HIBCH: variants seen among roughly 807,000 people sequenced by gnomAD.
HIBCH encodes the protein 3-hydroxyisobutyryl-CoA hydrolase, mitochondrial.
HIBCH carries 50 observed loss-of-function variants against 58.2 expected under a neutral mutation model. The ratio of observed to expected loss-of-function variants is 0.86; its 90% CI spans 0.68 to 1.09. The LOEUF (loss-of-function observed/expected upper bound fraction) is 1.09. HIBCH is among the 50% of genes least tolerant of loss of function. The probability of loss-of-function intolerance (pLI) is 0.00; values close to 1 mark genes in which losing one functional copy is unlikely to be tolerated. For synonymous variants in HIBCH, 151 were observed against 146.9 expected, an observed-to-expected ratio of 1.03 and a Z score of -0.20; for missense variants, 450 against 449.7, an observed-to-expected ratio of 1.00 and a Z score of -0.01.
At chr2:190,296,787 A>G (rs1239825688) in intron 3 of HIBCH, 26 bp downstream of exon 3, 3 of 1,589,324 alleles carry the variant, frequency 1.9e-6, no homozygotes, top group Non-Finnish European at 2.6e-6. Flanking sequence ...AAGAATCCAT[A>G]TAATTGCAAT....
At chr2:190,280,382 C>A (rs1394328378) in intron 6 of HIBCH, among the ~76,000 whole-genome samples, 2 of 152,122 alleles carry the variant, frequency 1.3e-5, no homozygotes, top group Non-Finnish European at 2.9e-5. Flanking sequence ...AGCTCCCCCA[C>A]ACCCAGAATG....
At position 190,264,856 on chromosome 2, in the gene HIBCH, G is replaced by A. The variant is rs184350404; in HGVS notation, c.439-3622C>T. Among the ~76,000 whole-genome samples, 331 of 152,032 alleles carry A rather than the reference G, an allele frequency of 2.2e-3. 3 individuals carry two copies. Among genetic ancestry groups the A allele is most frequent in the African/African-American group, 6.9e-3 (288 of 41,494 alleles). On this transcript the variant is annotated intron_variant, in intron 6 of 13. Transcript: ENST00000359678. The stretch of plus-strand genomic sequence containing the variant: ...TAATCAGCCAGGTACAGTGGCTCAC[G>A]TAATGCCTATAATCCCAGCACTTTG...
Position 190,204,982 on chromosome 2 carries a change from T to A in HIBCH, c.*135A>T. ...CATGAATTATTAGTCTTTGATTTCT[T>A]TTCCCAACCATTTAAAAATGCGGAA... is the stretch of plus-strand genomic sequence containing the variant. On this transcript the variant is annotated 3_prime_UTR_variant, in exon 14 of 14. Coordinates refer to ENST00000359678, the MANE Select transcript of HIBCH (RefSeq NM_014362.4). 1 of 671,764 alleles carries A rather than the reference T, an allele frequency of 1.5e-6. No individual in the cohort carries two copies. The highest frequency in any genetic ancestry group is 2.7e-6 in the Non-Finnish European group (1 of 369,826). The allele number at this position is 671,764 out of a possible 1,614,324, so 41.6% of individuals were successfully genotyped here.
At chr2:190,235,047 G>A (rs553861584) in intron 11 of HIBCH, among the ~76,000 whole-genome samples, 22 of 152,262 alleles carry the variant, frequency 1.4e-4, no homozygotes, top group African/African-American at 5.3e-4. Flanking sequence ...ACTGAGTGAA[G>A]GGGGATGAAC....
intron 6 of HIBCH, among the ~76,000 whole-genome samples, chr2:190,266,115 C>G (rs1687227812): frequency 6.6e-6 from 1 of 152,042 alleles, no homozygotes; most frequent in South Asian, 2.1e-4. Context: ...CCACTGGGGA[C>G]AGATAATGTA....
At chr2:190,278,502 C>T (rs550417119) in intron 6 of HIBCH, among the ~76,000 whole-genome samples, 17 of 152,266 alleles carry the variant, frequency 1.1e-4, no homozygotes, top group South Asian at 2.1e-4. Context: ...CCGTGCCCAG[C>T]CTAGAATCTG....
intron 6 of HIBCH, among the ~76,000 whole-genome samples, chr2:190,280,663 C>T (rs986004928): frequency 6.6e-6 from 1 of 152,100 alleles, no homozygotes; most frequent in Non-Finnish European, 1.5e-5. Flanking sequence ...TGAGCATGCG[C>T]ACAACTTGAG....
chr2:190,283,728 T>A (rs752787614), intron 6 of HIBCH, among the ~76,000 whole-genome samples: 2 of 152,288 alleles, frequency 1.3e-5, no homozygotes, highest in East Asian at 3.9e-4. Flanking sequence ...GCATACCTGA[T>A]GGAAGAAAAG....
At chr2:190,262,805 G>C (rs1283291310) in intron 6 of HIBCH, among the ~76,000 whole-genome samples, 3 of 152,078 alleles carry the variant, frequency 2.0e-5, no homozygotes, top group South Asian at 2.1e-4. Context: ...TTTAGCATTG[G>C]CTGATAATAG....
At chr2:190,245,929 G>A (rs2195466) in intron 10 of HIBCH, among the ~76,000 whole-genome samples, 4,993 of 150,758 alleles carry the variant, frequency 0.033, 137 homozygotes, top group East Asian at 0.13. Flanking sequence ...GGCGGAGGCT[G>A]CAGTGAGCTG....
chr2:190,293,434 C>G (rs1688005886), intron 4 of HIBCH, among the ~76,000 whole-genome samples: 1 of 149,670 alleles, frequency 6.7e-6, no homozygotes, highest in African/African-American at 2.5e-5. Flanking sequence ...GCCTGCGCAA[C>G]AAGAGCGAAA....
At chr2:190,234,642 G>C (rs1448386923) in intron 11 of HIBCH, among the ~76,000 whole-genome samples, 1 of 152,110 alleles carries the variant, frequency 6.6e-6, no homozygotes, top group Admixed American at 6.6e-5. Flanking sequence ...CTGAGGTCAG[G>C]AGTTCAAGAC....
chr2:190,251,253 C>G (rs1383902816), intron 8 of HIBCH, among the ~76,000 whole-genome samples: 3 of 152,142 alleles, frequency 2.0e-5, no homozygotes, highest in Non-Finnish European at 4.4e-5. Context: ...TCCTAAAACA[C>G]CCTTCCCTTA....
chr2:190,263,162 G>T (rs1687140164), intron 6 of HIBCH, among the ~76,000 whole-genome samples: 1 of 152,004 alleles, frequency 6.6e-6, no homozygotes, highest in South Asian at 2.1e-4. Flanking sequence ...AGACTAAAAA[G>T]GCTCCAAAGT....
rs755727407 is a variant in HIBCH at position 190,279,475 on chromosome 2, C to G, written c.438+8111G>C. ...GTCCCATCTGTGAAGCCTGTGTAAT[C>G]AAAACAAGTTATCTACTTCCAAGAT... On this transcript the variant is annotated intron_variant, in intron 6 of 13. Coordinates refer to ENST00000359678, the MANE Select transcript of HIBCH (RefSeq NM_014362.4). The surrounding 1 kb of genome is among the most constrained non-coding windows in gnomAD (Gnocchi z 4.2). Among the ~76,000 whole-genome samples, 2 of 152,156 alleles carry G rather than the reference C, an allele frequency of 1.3e-5. No individual in the cohort carries two copies. Among genetic ancestry groups the G allele is most frequent in the Non-Finnish European group, 2.9e-5 (2 of 68,012 alleles).
intron 4 of HIBCH, among the ~76,000 whole-genome samples, chr2:190,291,978 CTT>C (rs546253465): frequency 7.6e-4 from 115 of 152,144 alleles, no homozygotes; most frequent in African/African-American, 1.9e-3. Context: ...CTAGAATTCT[CTT>C]GTTTGTTTTT....
intron 6 of HIBCH, among the ~76,000 whole-genome samples, chr2:190,277,730 G>GT (rs1171765705): frequency 1.3e-4 from 20 of 152,310 alleles, no homozygotes; most frequent in Non-Finnish European, 2.4e-4. Flanking sequence ...CAACTGATCA[G>GT]ACCACACCCA....
intron 8 of HIBCH, chr2:190,250,634 T>G (rs1686734875): frequency 5.4e-6 from 1 of 183,918 alleles, no homozygotes; most frequent in Non-Finnish European, 1.2e-5. Flanking sequence ...CTTCCTGTTA[T>G]AGCTCAAGGG....
intron 6 of HIBCH, among the ~76,000 whole-genome samples, chr2:190,287,027 C>CGTGTGTGTGTGTGTGTGTGTGTGT (rs56811939): frequency 7.0e-6 from 1 of 142,114 alleles, no homozygotes; most frequent in Non-Finnish European, 1.5e-5. Context: ...TAGCATATAA[C>CGTGTGTGTGTGTGTGTGTGTGTGT]GTGTGTGTGT....
Sources: gnomAD v4.1 joint callset for allele counts (sites outside exome capture counted in the v4.1 genomes callset) on GRCh38, gnomAD v4.1.1 for gene constraint, Gnocchi (gnomAD v3.1) non-coding constraint, MANE v1.5 for transcripts, NCBI Gene and HGNC (gene_info 2026-07-23, HGNC 2026-07-21) for gene names.